The following NRCAM variants were observed in gnomAD, a reference collection of about 807,000 sequenced individuals.
The protein encoded by NRCAM is NgCAM-related cell adhesion molecule.
In NRCAM, 83 loss-of-function variants were observed where a neutral mutation model predicts 156.5. That is an observed-to-expected ratio of 0.53 (90% confidence interval 0.44 to 0.64). The LOEUF is 0.64. NRCAM is among the 30% of genes least tolerant of loss of function. The pLI, the probability that NRCAM is intolerant of heterozygous loss-of-function variation, is 0.00. For missense variants in NRCAM, 1,417 were observed against 1,597.3 expected, an observed-to-expected ratio of 0.89 and a Z score of 1.92; for synonymous variants, 538 against 563.9, an observed-to-expected ratio of 0.95 and a Z score of 0.65.
intron 3 of NRCAM, among the ~76,000 whole-genome samples, chr7:108,256,446 A>C (rs1012098293): frequency 6.7e-6 from 1 of 149,830 alleles, no homozygotes; most frequent in African/African-American, 2.5e-5. Flanking sequence ...AAGAGTCATC[A>C]CCACTCCCTA....
At chr7:108,300,160 C>CTTTTTTTTTTTT (rs10665036) in intron 3 of NRCAM, among the ~76,000 whole-genome samples, 18 of 65,868 alleles carry the variant, frequency 2.7e-4, no homozygotes, top group African/African-American at 7.9e-4. Flanking sequence ...TTTCTGTTGA[C>CTTTTTTTTTTTT]TTTTTTTTTT....
At chr7:108,177,881 T>C in intron 26 of NRCAM, 109 bp downstream of exon 26, 2 of 895,522 alleles carry the variant, frequency 2.2e-6, no homozygotes, top group Non-Finnish European at 3.3e-6. Context: ...TCACTATATG[T>C]ATCGAAACAT....
chr7:108,178,203 G>A (rs1380254276), intron 25 of NRCAM, 91 bp from the exon 26 acceptor site: 4 of 1,375,372 alleles, frequency 2.9e-6, no homozygotes, highest in Non-Finnish European at 4.0e-6. Context: ...ACGATTCAAG[G>A]TTTTGAGTTT....
rs2048109067 is a variant in NRCAM at position 108,160,275 on chromosome 7, C to T, written c.3598+86G>A. 6.7e-6 allele frequency: 9 copies of T among 1,338,326 alleles called. 1 individual carries two copies. The South Asian group carries it at 1.0e-4, about 15-fold the overall frequency. 82.9% of individuals were successfully genotyped at this position (1,338,326 alleles called of 1,614,324 possible). On this transcript the variant is annotated intron_variant, in intron 31 of 32. Coordinates refer to ENST00000379028, the MANE Select transcript of NRCAM (RefSeq NM_001037132.4). ...ATGGCTCTGGGAAGACAAAATATTA[C>T]AATCTACATGATTTCCCCCATGATC...
intron 1 of NRCAM, among the ~76,000 whole-genome samples, chr7:108,431,377 C>A (rs762475553): frequency 8.5e-5 from 13 of 152,222 alleles, no homozygotes; most frequent in Admixed American, 5.2e-4. Context: ...CTAGACCTTG[C>A]ATGGCACTGT....
In NRCAM at chr7:108,389,143, C is replaced by T. The variant is rs566244761; in HGVS notation, c.-174+10293G>A. 1.5e-4 allele frequency among the ~76,000 whole-genome samples: 23 copies of T among 152,216 alleles called. No homozygotes were observed. In the South Asian group the frequency reaches 4.4e-3, roughly 29 times the overall value. ...GGATGGCATTGAATCTATAAATTAC[C>T]TTGGGCAGTATGGCCATTTTCACGA... On this transcript the variant is annotated intron_variant, in intron 2 of 32. Coordinates refer to ENST00000379028, the MANE Select transcript of NRCAM (RefSeq NM_001037132.4).
At chr7:108,306,752 T>G (rs1005913956) in intron 3 of NRCAM, among the ~76,000 whole-genome samples, 2 of 152,144 alleles carry the variant, frequency 1.3e-5, no homozygotes, top group African/African-American at 4.8e-5. Context: ...CAACCTGGAA[T>G]GAAGCAGAGT....
At chr7:108,446,554 G>A (rs1844408786) in intron 1 of NRCAM, among the ~76,000 whole-genome samples, 1 of 152,196 alleles carries the variant, frequency 6.6e-6, no homozygotes, top group Non-Finnish European at 1.5e-5. Flanking sequence ...AGCAAGGATG[G>A]TTTCCGAAGT....
In NRCAM at chr7:108,299,105, C is replaced by CAAAAA. The variant is rs1292917918; in HGVS notation, c.-107+13555_-107+13559dup. ...TGGGCCACAGAGCAAGACTCCATCT[C>CAAAAA]AAAAAAAAAAAAGAAAGAAAGAAAG... On this transcript the variant is annotated intron_variant, in intron 3 of 32. Coordinates refer to ENST00000379028, the MANE Select transcript of NRCAM (RefSeq NM_001037132.4). 6.4e-3 allele frequency among the ~76,000 whole-genome samples: 108 copies of CAAAAA among 16,810 alleles called. 5 individuals carry two copies. The highest frequency in any genetic ancestry group is 0.03 in the East Asian group (5 of 168). The allele number at this position is 16,810 out of a possible 152,430, so 11.0% of individuals were successfully genotyped here. A position where few individuals can be genotyped will look rare whatever the true frequency, so the allele number is the denominator to read the frequency against.
chr7:108,230,132 C>A (rs1030343496), intron 8 of NRCAM, among the ~76,000 whole-genome samples: 1 of 152,074 alleles, frequency 6.6e-6, no homozygotes, highest in African/African-American at 2.4e-5. Context: ...TGACTTCCTC[C>A]CCGCCATGGG....
At chr7:108,437,237 C>T (rs370072544) in intron 1 of NRCAM, among the ~76,000 whole-genome samples, 1 of 151,910 alleles carries the variant, frequency 6.6e-6, no homozygotes, top group Non-Finnish European at 1.5e-5. Context: ...AACTCATGGA[C>T]ATAGAAAGTA....
intron 3 of NRCAM, among the ~76,000 whole-genome samples, chr7:108,295,609 G>A (rs1322423155): frequency 1.3e-5 from 2 of 152,172 alleles, no homozygotes; most frequent in Non-Finnish European, 2.9e-5. Flanking sequence ...ACATCCTAAT[G>A]CCATCACATC....
intron 3 of NRCAM, among the ~76,000 whole-genome samples, chr7:108,276,340 G>A (rs1260661884): frequency 6.6e-6 from 1 of 152,122 alleles, no homozygotes; most frequent in Non-Finnish European, 1.5e-5. Flanking sequence ...GGGTGTTAAA[G>A]TCTCCCATTA....
At chr7:108,336,554 T>C (rs575479086) in intron 2 of NRCAM, among the ~76,000 whole-genome samples, 6 of 152,308 alleles carry the variant, frequency 3.9e-5, no homozygotes, top group Non-Finnish European at 7.3e-5. Context: ...ACCCTCAGTA[T>C]TGTGCCAGCG....
chr7:108,373,724 G>T (rs569775091), intron 2 of NRCAM, among the ~76,000 whole-genome samples: 4 of 152,294 alleles, frequency 2.6e-5, no homozygotes, highest in South Asian at 4.1e-4. Context: ...TTGTGAACTT[G>T]TGACTTGTGA....
chr7:108,299,742 A>G (rs1187719209), intron 3 of NRCAM, among the ~76,000 whole-genome samples: 1 of 152,230 alleles, frequency 6.6e-6, no homozygotes, highest in Non-Finnish European at 1.5e-5. Context: ...CACATTGACC[A>G]GAAGTCTCAA....
chr7:108,274,998 T>C (rs1407313974), intron 3 of NRCAM, among the ~76,000 whole-genome samples: 1 of 152,220 alleles, frequency 6.6e-6, no homozygotes, highest in African/African-American at 2.4e-5. Context: ...GAGATAATCA[T>C]GTGGTTTTGG....
chr7:108,318,092 C>A (rs2300021), intron 2 of NRCAM, among the ~76,000 whole-genome samples: 1 of 128,416 alleles, frequency 7.8e-6, no homozygotes, highest in Non-Finnish European at 1.6e-5. Context: ...GTCGCCCAGA[C>A]TGGAGTGGAG....
At chr7:108,198,152 A>G in intron 13 of NRCAM, 53 bp from the exon 14 acceptor site, 1 of 1,439,598 alleles carries the variant, frequency 6.9e-7, no homozygotes, top group African/African-American at 1.4e-5. Flanking sequence ...TAAAAGATGT[A>G]TATTAAGCTT....
Sources: gnomAD v4.1 joint callset for allele counts (sites outside exome capture counted in the v4.1 genomes callset) on GRCh38, gnomAD v4.1.1 for gene constraint, MANE v1.5 for transcripts, NCBI Gene and HGNC (gene_info 2026-07-23, HGNC 2026-07-21) for gene names.